Variants in CD99L2 observed in about 807,000 individuals in gnomAD.
CD99L2 encodes the protein CD99 molecule like 2, also known as CD99 antigen-like protein 2.
A neutral mutation model predicts 27.3 loss-of-function variants in CD99L2; 24 were observed. The ratio of observed to expected loss-of-function variants is 0.88; its 90% CI spans 0.64 to 1.24. The LOEUF (loss-of-function observed/expected upper bound fraction) is 1.24. CD99L2 is among the 50% of genes most tolerant of loss of function. The pLI, the probability that CD99L2 is intolerant of heterozygous loss-of-function variation, is 0.00. For synonymous variants in CD99L2, 97 were observed against 87.9 expected, an observed-to-expected ratio of 1.10 and a Z score of -0.58; for missense variants, 255 against 221.6, an observed-to-expected ratio of 1.15 and a Z score of -0.96.
At chrX:150,844,642 G>C (rs2046673115) in intron 1 of CD99L2, among the ~76,000 whole-genome samples, 1 of 112,350 alleles carries the variant, frequency 8.9e-6, no homozygotes, top group Non-Finnish European at 1.9e-5. Context: ...CTGCAGCATT[G>C]CAAGTGAACA....
chrX:150,825,949 C>T (rs1229614181), intron 2 of CD99L2, among the ~76,000 whole-genome samples: 1 of 111,577 alleles, frequency 9.0e-6, no homozygotes, highest in African/African-American at 3.3e-5. Context: ...ATGTATATGT[C>T]CCCCGCACCC....
At chrX:150,771,684 G>T in intron 9 of CD99L2, 1 of 817,164 alleles carries the variant, frequency 1.2e-6, no homozygotes, top group Non-Finnish European at 1.8e-6. Context: ...TTACAGCCAC[G>T]TCGGTGAGTG....
At chrX:150,801,282 G>C (rs2045902218) in intron 4 of CD99L2, among the ~76,000 whole-genome samples, 1 of 111,514 alleles carries the variant, frequency 9.0e-6, no homozygotes, top group Non-Finnish European at 1.9e-5. Flanking sequence ...CCTGAGACAG[G>C]GTAATTTATA....
chrX:150,898,405 G>C, intron 1 of CD99L2, 117 bp downstream of exon 1: 2 of 534,897 alleles, frequency 3.7e-6, no homozygotes, highest in Non-Finnish European at 5.0e-6. Flanking sequence ...CGGGCCGGCC[G>C]GTGGCAGCCA....
intron 4 of CD99L2, among the ~76,000 whole-genome samples, chrX:150,800,926 G>C: frequency 9.1e-6 from 1 of 109,682 alleles, no homozygotes; most frequent in Admixed American, 9.7e-5. Context: ...GGCTACTCGG[G>C]AGGCTGAGAC....
chrX:150,853,109 A>G (rs1488224624), intron 1 of CD99L2, among the ~76,000 whole-genome samples: 3 of 111,346 alleles, frequency 2.7e-5, no homozygotes, highest in Non-Finnish European at 5.7e-5. Flanking sequence ...CTACTACCCC[A>G]CCATTCACAG....
intron 2 of CD99L2, among the ~76,000 whole-genome samples, chrX:150,824,092 A>AGAAGAAG (rs201141503): frequency 4.2e-5 from 3 of 70,817 alleles, no homozygotes; most frequent in Non-Finnish European, 8.0e-5. Flanking sequence ...AGAAGAAGAA[A>AGAAGAAG]GAAGAAGGAA....
intron 1 of CD99L2, among the ~76,000 whole-genome samples, chrX:150,856,724 G>A (rs1200135577): frequency 1.8e-5 from 2 of 109,777 alleles, no homozygotes; most frequent in African/African-American, 6.6e-5. Context: ...AGTATGACAC[G>A]CCAAAGGAAT....
intron 1 of CD99L2, among the ~76,000 whole-genome samples, 197 bp downstream of exon 1, chrX:150,898,325 A>T (rs782508322): frequency 2.7e-5 from 3 of 109,413 alleles, no homozygotes; most frequent in Middle Eastern, 4.8e-3. Flanking sequence ...CTCTCCGGCT[A>T]CTCCGACCGC....
chrX:150,862,334 C>G, intron 1 of CD99L2, among the ~76,000 whole-genome samples: 1 of 111,285 alleles, frequency 9.0e-6, no homozygotes. Flanking sequence ...TCTGGATTAC[C>G]TGGGTGGGCC....
At position 150,866,959 on chromosome X, in the gene CD99L2, G is replaced by GA. The variant is rs1203756596; in HGVS notation, c.67+31562dup. 5.6e-3 allele frequency among the ~76,000 whole-genome samples: 590 copies of GA among 104,730 alleles called. 8 individuals carry two copies. Among genetic ancestry groups the GA allele is most frequent in the Middle Eastern group, 9.5e-3 (2 of 211 alleles). The allele number at this position is 104,730 out of a possible 115,157, so 90.9% of individuals were successfully genotyped here. A position where few individuals can be genotyped will look rare whatever the true frequency, so the allele number is the denominator to read the frequency against. On this transcript the variant is annotated intron_variant, in intron 1 of 10. Transcript: ENST00000370377. ...ATGTTCTAAAATTTAAAAATCAAAAGAAAAAAAAAACAGGTAGCTCCTGGG... is the reference window on the plus strand; with the variant it reads ...ATGTTCTAAAATTTAAAAATCAAAAGAAAAAAAAAAACAGGTAGCTCCTGGG...
At chrX:150,861,141 C>CAAAAAAAAAAAAAAAA (rs782255590) in intron 1 of CD99L2, among the ~76,000 whole-genome samples, 562 of 40,818 alleles carry the variant, frequency 0.014, 31 homozygotes, top group Middle Eastern at 0.018. Context: ...GACTCTGTCT[C>CAAAAAAAAAAAAAAAA]AAAAAAAAAA....
At chrX:150,898,302 G>A (rs199614051) in intron 1 of CD99L2, among the ~76,000 whole-genome samples, 2 of 112,008 alleles carry the variant, frequency 1.8e-5, no homozygotes, top group East Asian at 5.8e-4. Flanking sequence ...CGTCAGGAGG[G>A]GACCCACCCC....
At chrX:150,775,568 CG>C (rs1293842266) in intron 9 of CD99L2, among the ~76,000 whole-genome samples, 7 of 112,094 alleles carry the variant, frequency 6.2e-5, no homozygotes, top group Admixed American at 9.4e-5. Flanking sequence ...GGTGGTGGGT[CG>C]GGGGGGAACC....
intron 1 of CD99L2, among the ~76,000 whole-genome samples, chrX:150,836,293 A>T (rs1352275467): frequency 9.0e-6 from 1 of 111,718 alleles, no homozygotes; most frequent in Non-Finnish European, 1.9e-5. Context: ...TGACCCATAC[A>T]AAAATGGATT....
At chrX:150,799,810 AAC>A (rs1188399945) in intron 4 of CD99L2, among the ~76,000 whole-genome samples, 4 of 111,648 alleles carry the variant, frequency 3.6e-5, no homozygotes, top group African/African-American at 1.3e-4. Context: ...TGCTGTGGAA[AAC>A]AGTTTGGTAC....
In CD99L2 at chrX:150,769,067, C is replaced by T; in HGVS notation, c.756G>A (p.Glu252=). Residue 252 remains glutamate, a synonymous_variant, in exon 11 of 11, where the codon GAG becomes GAA. Transcript: ENST00000370377. ...GGGCTGGTTCGGGCGGCGGCGGCGG[C>T]TCTGCAGACTGCGTGTGCAACGTGG... is the stretch of plus-strand genomic sequence containing the variant. ...KYSTLHTQSA[E]PPPPPEPARI 1 of 1,161,430 alleles carries T rather than the reference C, an allele frequency of 8.6e-7. No homozygotes were observed. Among genetic ancestry groups the T allele is most frequent in the Non-Finnish European group, 1.1e-6 (1 of 877,918 alleles).
intron 1 of CD99L2, among the ~76,000 whole-genome samples, chrX:150,895,707 G>GT (rs1436190372): frequency 9.0e-6 from 1 of 111,597 alleles, no homozygotes; most frequent in Non-Finnish European, 1.9e-5. Context: ...TGCAAAAATC[G>GT]TATTATCTTA....
intron 1 of CD99L2, among the ~76,000 whole-genome samples, chrX:150,837,288 C>T (rs957064218): frequency 9.2e-6 from 1 of 108,909 alleles, no homozygotes; most frequent in Non-Finnish European, 1.9e-5. Context: ...TTGTTCTTGT[C>T]AGCCAGGCTA....
Sources: gnomAD v4.1 joint callset for allele counts (sites outside exome capture counted in the v4.1 genomes callset) on GRCh38, gnomAD v4.1.1 for gene constraint, MANE v1.5 for transcripts, NCBI Gene and HGNC (gene_info 2026-07-23, HGNC 2026-07-21) for gene names.